The following INTS8 variants were observed in gnomAD, a reference collection of about 807,000 sequenced individuals.
INTS8 encodes the protein integrator complex subunit 8.
Under a neutral mutation model 138.9 loss-of-function variants are expected in INTS8, and 47 were observed. The ratio of observed to expected loss-of-function variants is 0.34; its 90% confidence interval spans 0.27 to 0.43. The LOEUF (loss-of-function observed/expected upper bound fraction) is 0.43. Among genes scored for constraint, INTS8 ranks in the 20% least tolerant of loss-of-function variants. The probability of loss-of-function intolerance (pLI) is 1.00; values close to 1 mark genes in which losing one functional copy is unlikely to be tolerated. For synonymous variants in INTS8, 392 were observed against 400.9 expected, an observed-to-expected ratio of 0.98 and a Z score of 0.27; for missense variants, 996 against 1,173.0, an observed-to-expected ratio of 0.85 and a Z score of 2.20.
chr8:94,832,511 A>G (rs1814760528), intron 6 of INTS8, among the ~76,000 whole-genome samples: 1 of 152,230 alleles, frequency 6.6e-6, no homozygotes, highest in Admixed American at 6.5e-5. Context: ...AACTAATATT[A>G]TGCTAGACTT....
At position 94,829,062 on chromosome 8, in the gene INTS8, G is replaced by C; in HGVS notation, c.570+36G>C. Reference sequence around the variant, plus strand: ...GCATCAGTTACACAGTAACACTTCAGGAACAACTTTAGAGCAGCAGTTCCC... The same window carrying C: ...GCATCAGTTACACAGTAACACTTCACGAACAACTTTAGAGCAGCAGTTCCC... On this transcript the variant is annotated intron_variant, in intron 5 of 26. Coordinates refer to ENST00000523731, the MANE Select transcript of INTS8 (RefSeq NM_017864.4). 4 of 1,489,792 alleles carry C rather than the reference G, an allele frequency of 2.7e-6. No homozygotes were observed. In the South Asian group the frequency reaches 3.5e-5, roughly 13 times the overall value. 92.3% of individuals were successfully genotyped at this position (1,489,792 alleles called of 1,614,324 possible). A position where few individuals can be genotyped will look rare whatever the true frequency, so the allele number is the denominator to read the frequency against.
intron 26 of INTS8, among the ~76,000 whole-genome samples, chr8:94,877,870 CCA>C (rs1227021321): frequency 1.3e-5 from 2 of 152,214 alleles, no homozygotes; most frequent in Non-Finnish European, 2.9e-5. Flanking sequence ...CATTTTTTTC[CCA>C]GTCATTCCCT....
At chr8:94,852,964 C>G (rs6983485) in intron 13 of INTS8, among the ~76,000 whole-genome samples, 4,011 of 152,062 alleles carry the variant, frequency 0.026, 152 homozygotes, top group African/African-American at 0.087. Flanking sequence ...AAAAATTGCT[C>G]TAAAAATTAG....
At chr8:94,863,543 A>G (rs1041632476) in intron 16 of INTS8, among the ~76,000 whole-genome samples, 6 of 152,192 alleles carry the variant, frequency 3.9e-5, no homozygotes, top group East Asian at 1.9e-4. Flanking sequence ...TATGCTGAAT[A>G]GTAAGTTATA....
chr8:94,860,954 G>T (rs912568131), intron 16 of INTS8, among the ~76,000 whole-genome samples: 2 of 151,118 alleles, frequency 1.3e-5, no homozygotes, highest in African/African-American at 2.4e-5. Flanking sequence ...CTACTCGGGA[G>T]GCTGAGGCAG....
chr8:94,827,889 G>A (rs1814569483), intron 4 of INTS8, 96 bp downstream of exon 4: 1 of 1,031,924 alleles, frequency 9.7e-7, no homozygotes, highest in Non-Finnish European at 1.5e-6. Context: ...AGAAGAAGTA[G>A]AGCAGGAATA....
Position 94,881,584 on chromosome 8 carries a change from T to C in INTS8, c.*1350T>C. ...AACTTTAGTAGTTCAGTGATACCAG[T>C]TCTACCCAATCTTGGTGAATTCCAA... is the stretch of plus-strand genomic sequence containing the variant. On this transcript the variant is annotated 3_prime_UTR_variant, in exon 27 of 27. Coordinates refer to ENST00000523731, the MANE Select transcript of INTS8 (RefSeq NM_017864.4). 6.2e-7 allele frequency: 1 copy of C among 1,600,688 alleles called. No homozygotes were observed. The highest frequency in any genetic ancestry group is 8.5e-7 in the Non-Finnish European group (1 of 1,171,942).
intron 26 of INTS8, among the ~76,000 whole-genome samples, chr8:94,878,821 A>G (rs1563675605): frequency 6.6e-6 from 1 of 152,038 alleles, no homozygotes; most frequent in Non-Finnish European, 1.5e-5. Context: ...TCCTGATTAC[A>G]TCTCCTTCCT....
Position 94,867,316 on chromosome 8 carries a change from T to C in INTS8, c.2393T>C (p.Ile798Thr), listed in dbSNP as rs774455957. The change falls in exon 20 of 27, where the codon ATT becomes ACT. Residue 798 changes from isoleucine (I) to threonine (T), a missense_variant. By Grantham distance (89) the Ile-to-Thr change is moderately conservative. Transcript: ENST00000523731. ...VNDITAEHIS[I>T]WPSSIPNLQS... is the part of the protein sequence containing the mutation. ...GATATTACAGCTGAACACATTTCTA[T>C]TTGGCCATCTTCCATTCCCAAGTAA... 1 of 1,612,144 alleles carries C rather than the reference T, an allele frequency of 6.2e-7. No individual in the cohort carries two copies. The highest frequency in any genetic ancestry group is 8.5e-7 in the Non-Finnish European group (1 of 1,178,802).
chr8:94,849,465 T>C lies in INTS8; in HGVS notation c.1264T>C (p.Cys422Arg). Residue 422 changes from cysteine to arginine, a missense_variant, in exon 11 of 27, where the codon TGT (cysteine) becomes CGT (arginine). By Grantham distance (180) the Cys-to-Arg change is radical. Coordinates refer to ENST00000523731, the MANE Select transcript of INTS8 (RefSeq NM_017864.4). ...KEKIDFLLEV[C>R]SRSVNLEKAS... Reference sequence around the variant, plus strand: ...TGAAAATTACTCAAATTCCTAGGTATGTTCAAGATCAGTAAATTTAGAAAA... The same window carrying C: ...TGAAAATTACTCAAATTCCTAGGTACGTTCAAGATCAGTAAATTTAGAAAA... The C allele has an allele frequency of 6.7e-7, 1 of 1,488,658 alleles. No homozygotes were observed. The highest frequency in any genetic ancestry group is 9.2e-7 in the Non-Finnish European group (1 of 1,085,914). 92.2% of individuals were successfully genotyped at this position (1,488,658 alleles called of 1,614,324 possible). A position where few individuals can be genotyped will look rare whatever the true frequency, so the allele number is the denominator to read the frequency against.
intron 10 of INTS8, among the ~76,000 whole-genome samples, chr8:94,844,037 T>C (rs1262782880): frequency 6.6e-6 from 1 of 151,076 alleles, no homozygotes; most frequent in East Asian, 1.9e-4. Context: ...TTTTTTTTTT[T>C]TATTTTTTTA....
At chr8:94,861,203 T>A (rs1246638562) in intron 16 of INTS8, among the ~76,000 whole-genome samples, 1 of 151,610 alleles carries the variant, frequency 6.6e-6, no homozygotes, top group Non-Finnish European at 1.5e-5. Context: ...ATTTTAACCC[T>A]TTCAGGATTT....
chr8:94,854,576 G>T (rs1815676844), intron 14 of INTS8, among the ~76,000 whole-genome samples: 1 of 152,212 alleles, frequency 6.6e-6, no homozygotes, highest in Non-Finnish European at 1.5e-5. Context: ...TGAGACATAA[G>T]TGGAATGTTA....
At chr8:94,852,522 C>T (rs1275481152) in intron 13 of INTS8, among the ~76,000 whole-genome samples, 5 of 151,454 alleles carry the variant, frequency 3.3e-5, no homozygotes, top group Admixed American at 1.3e-4. Flanking sequence ...TGGTAATGCT[C>T]GTAACTAACT....
chr8:94,827,161 C>A, intron 2 of INTS8, 102 bp from the exon 3 acceptor site: 1 of 1,009,406 alleles, frequency 9.9e-7, no homozygotes, highest in Non-Finnish European at 1.5e-6. Flanking sequence ...AGATGTGGTT[C>A]CTTAACAATG....
rs1239807779 is a variant in INTS8, at chr8:94,856,786, C to T, written c.1762C>T (p.His588Tyr). 2 of 1,613,928 alleles carry T rather than the reference C, an allele frequency of 1.2e-6. No individual in the cohort carries two copies. Among genetic ancestry groups the T allele is most frequent in the South Asian group, 1.1e-5 (1 of 91,074 alleles). ...LHCSTVKDFSHAKQLFAACLE... is the reference protein window; with the variant it reads ...LHCSTVKDFSYAKQLFAACLE... ...CTTTTTCTTTTCATAGGACTTTTCCCATGCTAAACAGCTCTTTGCTGCTTG... is the reference window on the plus strand; with the variant it reads ...CTTTTTCTTTTCATAGGACTTTTCCTATGCTAAACAGCTCTTTGCTGCTTG... Residue 588 changes from histidine to tyrosine, a missense_variant, in exon 15 of 27, where the codon CAT (histidine) becomes TAT (tyrosine). By Grantham distance (83) the His-to-Tyr change is moderately conservative. Coordinates refer to ENST00000523731, the MANE Select transcript of INTS8 (RefSeq NM_017864.4).
chr8:94,838,851 A>G (rs540467938), intron 8 of INTS8, among the ~76,000 whole-genome samples: 57 of 152,360 alleles, frequency 3.7e-4, no homozygotes, highest in African/African-American at 1.3e-3. Flanking sequence ...ATGTTACTTC[A>G]TCATTGCTGT....
chr8:94,874,633 T>C (rs200059735), intron 23 of INTS8, 31 bp downstream of exon 23: 229 of 1,241,846 alleles, frequency 1.8e-4, no homozygotes, highest in Non-Finnish European at 2.5e-4. Flanking sequence ...AGTTGTTTTA[T>C]TTTTACATAT....
At chr8:94,857,051 G>C in intron 15 of INTS8, 73 bp downstream of exon 15, 11 of 841,678 alleles carry the variant, frequency 1.3e-5, no homozygotes, top group African/African-American at 1.8e-5. Context: ...TTTAAAAGCA[G>C]ATTTATTTGA....
Sources: allele counts gnomAD v4.1 joint callset (sites outside exome capture counted in the v4.1 genomes callset), GRCh38; gene constraint gnomAD v4.1.1; transcripts MANE v1.5; gene names NCBI Gene and HGNC (gene_info 2026-07-23, HGNC 2026-07-21).